The following PEPD variants were observed in gnomAD, a reference collection of about 807,000 sequenced individuals.
PEPD encodes xaa-Pro dipeptidase.
PEPD carries 53 observed loss-of-function variants against 60.7 expected under a neutral mutation model. The ratio of observed to expected loss-of-function variants is 0.87; its 90% CI spans 0.70 to 1.10. The LOEUF is 1.10. Ranked by LOEUF, PEPD falls within the 50% of genes least tolerant of loss-of-function variation. The pLI, the probability that PEPD is intolerant of heterozygous loss-of-function variation, is 0.00. For synonymous variants in PEPD, 267 were observed against 284.1 expected (o/e 0.94, Z 0.60); for missense variants, 711 against 711.9 (o/e 1.00, Z 0.01).
intron 9 of PEPD, among the ~76,000 whole-genome samples, chr19:33,440,116 T>C (rs1969455663): frequency 6.6e-6 from 1 of 152,158 alleles, no homozygotes; most frequent in Non-Finnish European, 1.5e-5. Context: ...TGATCCTGGC[T>C]GGAAATGAAC....
intron 9 of PEPD, among the ~76,000 whole-genome samples, chr19:33,447,779 C>T (rs980785669): frequency 6.6e-6 from 1 of 152,232 alleles, no homozygotes; most frequent in African/African-American, 2.4e-5. Flanking sequence ...AGGCCCATGG[C>T]TCCCTCCTGG....
chr19:33,426,884 C>T (rs767914623), intron 9 of PEPD, among the ~76,000 whole-genome samples: 7 of 152,214 alleles, frequency 4.6e-5, no homozygotes, highest in African/African-American at 7.2e-5. Context: ...CAGGACGCAG[C>T]GAAATGTGCC....
At chr19:33,478,823 G>T (rs371520157) in intron 6 of PEPD, among the ~76,000 whole-genome samples, 1 of 152,114 alleles carries the variant, frequency 6.6e-6, no homozygotes, top group Non-Finnish European at 1.5e-5. Flanking sequence ...AAACCAAAGG[G>T]AATTGTTTCA....
chr19:33,412,997 C>A (rs77830040), intron 10 of PEPD, among the ~76,000 whole-genome samples: 25,063 of 152,162 alleles, frequency 0.16, 2,130 homozygotes, highest in African/African-American at 0.19. Context: ...CAAGCACACC[C>A]AGCCAGGTGT....
At chr19:33,462,784 C>T (rs1292337810) in intron 9 of PEPD, among the ~76,000 whole-genome samples, 3 of 152,172 alleles carry the variant, frequency 2.0e-5, no homozygotes, top group East Asian at 1.9e-4. Context: ...GAAAAGTCAT[C>T]GAAAACCATT....
chr19:33,451,781 T>C (rs908892879), intron 9 of PEPD, among the ~76,000 whole-genome samples: 3 of 152,180 alleles, frequency 2.0e-5, no homozygotes, highest in African/African-American at 4.8e-5. Flanking sequence ...ATTCAAGACA[T>C]AGATTAAATA....
chr19:33,448,233 G>A (rs1969628653), intron 9 of PEPD, among the ~76,000 whole-genome samples: 1 of 152,244 alleles, frequency 6.6e-6, no homozygotes, highest in Non-Finnish European at 1.5e-5. Flanking sequence ...ACTACTGCCT[G>A]CCTGTTCTGG....
chr19:33,396,592 C>T (rs556332883), intron 12 of PEPD, among the ~76,000 whole-genome samples: 1 of 151,264 alleles, frequency 6.6e-6, no homozygotes, highest in Non-Finnish European at 1.5e-5. Context: ...GCTCATGAAT[C>T]GTGGGCCACC....
At chr19:33,488,307 T>C (rs1203589559) in intron 6 of PEPD, among the ~76,000 whole-genome samples, 10 of 152,000 alleles carry the variant, frequency 6.6e-5, no homozygotes, top group Admixed American at 6.5e-4. Flanking sequence ...GAGCATGATC[T>C]CCTCCAGTGC....
chr19:33,398,761 T>C (rs1391841999), intron 12 of PEPD, among the ~76,000 whole-genome samples: 1 of 152,248 alleles, frequency 6.6e-6, no homozygotes, highest in Admixed American at 6.5e-5. Flanking sequence ...ATGCTTCCCA[T>C]GGCTGAAGAG....
At chr19:33,480,106 C>T (rs4805892) in intron 6 of PEPD, among the ~76,000 whole-genome samples, 6,079 of 152,222 alleles carry the variant, frequency 0.04, 306 homozygotes, top group Admixed American at 0.16. Flanking sequence ...TAATAAAAGC[C>T]AGACAGAATG....
chr19:33,410,245 G>A (rs937003942), intron 11 of PEPD, among the ~76,000 whole-genome samples: 1 of 152,224 alleles, frequency 6.6e-6, no homozygotes, highest in African/African-American at 2.4e-5. Flanking sequence ...CCCACCCAAG[G>A]TCTGAGCTGA....
chr19:33,513,852 G>A (rs1970974076), intron 1 of PEPD, among the ~76,000 whole-genome samples: 1 of 62,224 alleles, frequency 1.6e-5, no homozygotes, highest in Non-Finnish European at 3.9e-5. Context: ...TCTTCCCAAG[G>A]GCATCCCATG....
At position 33,452,425 on chromosome 19, in the gene PEPD, A is replaced by C. The variant is rs141831954; in HGVS notation, c.671+10570T>G. ...AGATGCGTCAAAACAAGGTTCAGGA[A>C]GAGAGGAGAAAGGAATTAATAATAA... On this transcript the variant is annotated intron_variant, in intron 9 of 14. Coordinates refer to ENST00000244137, the MANE Select transcript of PEPD (RefSeq NM_000285.4). Among the ~76,000 whole-genome samples, 281 of 152,312 alleles carry C rather than the reference A, an allele frequency of 1.8e-3. 3 individuals are homozygous for C. Among genetic ancestry groups the C allele is most frequent in the Non-Finnish European group, 1.1e-3 (78 of 68,024 alleles).
rs935797184 is a variant in PEPD at position 33,493,432 on chromosome 19, A to C, written c.394-95T>G. 11 of 884,622 alleles carry C rather than the reference A, an allele frequency of 1.2e-5. No homozygotes were observed. The African/African-American group carries it at 1.8e-4, about 15-fold the overall frequency. The allele number at this position is 884,622 out of a possible 1,614,324, so 54.8% of individuals were successfully genotyped here. A position where few individuals can be genotyped will look rare whatever the true frequency, so the allele number is the denominator to read the frequency against. On this transcript the variant is annotated intron_variant, in intron 4 of 14. Transcript: ENST00000244137. ...TCCTTCATAATGACAGTGCACATTT[A>C]TCAAGCAGATCATTAGAACAGGCGA...
chr19:33,466,923 C>T (rs1001852012), intron 7 of PEPD, among the ~76,000 whole-genome samples: 7 of 151,792 alleles, frequency 4.6e-5, no homozygotes, highest in Non-Finnish European at 8.8e-5. Flanking sequence ...TTTGGGAGGC[C>T]GAGGCGGGCA....
intron 2 of PEPD, chr19:33,511,612 C>G: frequency 3.4e-6 from 1 of 291,552 alleles, no homozygotes; most frequent in Non-Finnish European, 6.7e-6. Context: ...CTGATGACTT[C>G]AGTGTTTAGG....
intron 1 of PEPD, among the ~76,000 whole-genome samples, chr19:33,516,151 G>A (rs1252745355): frequency 1.3e-5 from 2 of 152,084 alleles, no homozygotes; most frequent in Non-Finnish European, 2.9e-5. Flanking sequence ...AAGTAATAAA[G>A]TTTTATAGAG....
intron 6 of PEPD, among the ~76,000 whole-genome samples, chr19:33,487,596 T>TG (rs202020528): frequency 2.6e-5 from 4 of 151,874 alleles, no homozygotes; most frequent in African/African-American, 9.7e-5. Context: ...GCACCCGGGG[T>TG]GGGGGGCAGT....
Sources: allele counts gnomAD v4.1 joint callset (sites outside exome capture counted in the v4.1 genomes callset), GRCh38; gene constraint gnomAD v4.1.1; transcripts MANE v1.5; gene names NCBI Gene and HGNC (gene_info 2026-07-23, HGNC 2026-07-21).